Variants in INPP4B observed in about 807,000 individuals in gnomAD.
The protein encoded by INPP4B is inositol polyphosphate 4-phosphatase type II.
Under a neutral mutation model 122.5 loss-of-function variants are expected in INPP4B, and 55 were observed. That is an observed-to-expected ratio of 0.45 (90% CI 0.36 to 0.56). The LOEUF (loss-of-function observed/expected upper bound fraction) is 0.56, where lower values mean the gene tolerates loss of function less well. Ranked by LOEUF, INPP4B falls within the 20% of genes least tolerant of loss-of-function variation. INPP4B has a pLI of 0.00. For synonymous variants in INPP4B, 403 were observed against 388.7 expected (o/e 1.04, Z -0.43); for missense variants, 1,000 against 1,097.7 (o/e 0.91, Z 1.26).
At chr4:142,770,972 TATTGTAGATATCTC>T (rs758184702) in intron 1 of INPP4B, among the ~76,000 whole-genome samples, 123 of 152,274 alleles carry the variant, frequency 8.1e-4, no homozygotes, top group Middle Eastern at 6.8e-3. Context: ...AGGCAAGCAC[TATTGTAGATATCTC>T]ATTCTAGTTG....
intron 17 of INPP4B, among the ~76,000 whole-genome samples, chr4:142,155,605 A>C (rs1184716323): frequency 1.3e-5 from 2 of 152,120 alleles, no homozygotes; most frequent in Non-Finnish European, 2.9e-5. Flanking sequence ...TTTATATCCT[A>C]CTGCTCAAGG....
At chr4:142,767,623 C>T (rs1173541939) in intron 1 of INPP4B, 1 of 152,138 alleles carries the variant, frequency 6.6e-6, no homozygotes, top group Admixed American at 6.6e-5. Context: ...TAGAACATGA[C>T]AAGATCTTGG....
intron 25 of INPP4B, among the ~76,000 whole-genome samples, chr4:142,061,112 C>G (rs1760416137): frequency 4.6e-5 from 7 of 152,064 alleles, no homozygotes; most frequent in Admixed American, 4.6e-4. Flanking sequence ...TTGATCCAGG[C>G]AGGTGAATGG....
rs533310360 is a variant in INPP4B at position 142,093,087 on chromosome 4, T to C, written c.2375-6831A>G. On this transcript the variant is annotated intron_variant, in intron 23 of 25. Coordinates refer to ENST00000262992, the MANE Select transcript of INPP4B (RefSeq NM_001101669.3). ...TAATTCTCTTGGAACTTGCCGACTG[T>C]ATTCCTCATTTTGAGATGCTCCCTA... Among the ~76,000 whole-genome samples the C allele has an allele frequency of 3.9e-5, 6 of 152,252 alleles. No individual in the cohort carries two copies. The South Asian group carries it at 1.2e-3, about 32-fold the overall frequency.
At chr4:142,648,817 T>A (rs1406067640) in intron 2 of INPP4B, among the ~76,000 whole-genome samples, 1 of 152,220 alleles carries the variant, frequency 6.6e-6, no homozygotes, top group Admixed American at 6.5e-5. Context: ...GCAACGTCCC[T>A]GTCTGACAGC....
At chr4:142,629,803 G>T (rs79232534) in intron 2 of INPP4B, among the ~76,000 whole-genome samples, 2,939 of 152,158 alleles carry the variant, frequency 0.019, 42 homozygotes, top group Middle Eastern at 0.051. Context: ...CTTGCCCTCT[G>T]CCCAATTGCC....
At chr4:142,799,086 G>A (rs1002123991) in intron 1 of INPP4B, among the ~76,000 whole-genome samples, 1 of 151,768 alleles carries the variant, frequency 6.6e-6, no homozygotes, top group African/African-American at 2.4e-5. Flanking sequence ...AAACACTAGA[G>A]TTAAATATTG....
intron 23 of INPP4B, among the ~76,000 whole-genome samples, chr4:142,088,767 T>C (rs1006781773): frequency 6.6e-6 from 1 of 152,226 alleles, no homozygotes; most frequent in South Asian, 2.1e-4. Flanking sequence ...TTTTCTTGGC[T>C]TCATGGTAGA....
chr4:142,141,546 CT>C (rs1291579682), intron 18 of INPP4B, among the ~76,000 whole-genome samples: 1 of 152,088 alleles, frequency 6.6e-6, no homozygotes, highest in Non-Finnish European at 1.5e-5. Context: ...AATAGTTATT[CT>C]ATTATTTCTC....
At chr4:142,233,431 G>A (rs938723065) in intron 12 of INPP4B, among the ~76,000 whole-genome samples, 1 of 152,102 alleles carries the variant, frequency 6.6e-6, no homozygotes, top group Admixed American at 6.6e-5. Context: ...CACAACTTCT[G>A]TCTTTATGGA....
intron 2 of INPP4B, among the ~76,000 whole-genome samples, chr4:142,595,847 GTATT>G (rs567884931): frequency 6.6e-6 from 1 of 152,008 alleles, no homozygotes; most frequent in Non-Finnish European, 1.5e-5. Flanking sequence ...TAGATTCTAT[GTATT>G]TATTTATTTA....
intron 2 of INPP4B, among the ~76,000 whole-genome samples, chr4:142,479,513 A>G (rs1820226518): frequency 6.6e-6 from 1 of 152,184 alleles, no homozygotes; most frequent in Non-Finnish European, 1.5e-5. Flanking sequence ...ATGCACATGA[A>G]TGTTCATTGG....
At chr4:142,620,715 T>C (rs1205697889) in intron 2 of INPP4B, among the ~76,000 whole-genome samples, 2 of 152,012 alleles carry the variant, frequency 1.3e-5, no homozygotes, top group African/African-American at 2.4e-5. Context: ...AGAATGCCCA[T>C]AGAATTTTAC....
intron 11 of INPP4B, among the ~76,000 whole-genome samples, chr4:142,239,599 G>T (rs1211949737): frequency 6.6e-6 from 1 of 152,088 alleles, no homozygotes; most frequent in East Asian, 1.9e-4. Flanking sequence ...AAGTGACAGT[G>T]TTTCAAAGAT....
chr4:142,672,614 A>C (rs1757169903), intron 2 of INPP4B, among the ~76,000 whole-genome samples: 1 of 151,868 alleles, frequency 6.6e-6, no homozygotes, highest in Non-Finnish European at 1.5e-5. Context: ...TTGTTTTCTT[A>C]TTTAATTTTG....
intron 1 of INPP4B, among the ~76,000 whole-genome samples, chr4:142,752,315 G>A (rs1248223197): frequency 1.3e-5 from 2 of 152,068 alleles, no homozygotes. Flanking sequence ...TTCTGATCCA[G>A]GAGGAAGCTG....
intron 2 of INPP4B, among the ~76,000 whole-genome samples, chr4:142,640,445 T>C (rs1750139243): frequency 6.6e-6 from 1 of 152,126 alleles, no homozygotes; most frequent in African/African-American, 2.4e-5. Context: ...AATGATTATT[T>C]TCACTATTTG....
intron 7 of INPP4B, among the ~76,000 whole-genome samples, chr4:142,354,071 A>G (rs1458358983): frequency 6.6e-6 from 1 of 152,034 alleles, no homozygotes; most frequent in Admixed American, 6.6e-5. Flanking sequence ...TAGCAAGCAC[A>G]TAAAAATTCA....
intron 25 of INPP4B, among the ~76,000 whole-genome samples, 187 bp downstream of exon 25, chr4:142,081,844 A>C (rs1260176468): frequency 6.6e-6 from 1 of 151,512 alleles, no homozygotes; most frequent in Non-Finnish European, 1.5e-5. Flanking sequence ...GGAAATATAG[A>C]TAGAGATGAA....
Sources: gnomAD v4.1 joint callset for allele counts (sites outside exome capture counted in the v4.1 genomes callset) on GRCh38, gnomAD v4.1.1 for gene constraint, MANE v1.5 for transcripts, NCBI Gene and HGNC (gene_info 2026-07-23, HGNC 2026-07-21) for gene names.